Variants in TLN2 observed in about 807,000 individuals in gnomAD.
The protein encoded by TLN2 is talin 2, also known as talin-2.
TLN2 carries 118 observed loss-of-function variants against 294.7 expected under a neutral mutation model. That is an observed-to-expected ratio of 0.40 (90% CI 0.34 to 0.47). The LOEUF (loss-of-function observed/expected upper bound fraction) is 0.47, where lower values mean the gene tolerates loss of function less well. Among genes scored for constraint, TLN2 ranks in the 20% least tolerant of loss-of-function variants. The pLI is 0.84. For synonymous variants in TLN2, 1,431 were observed against 1,304.5 expected (o/e 1.10, Z -2.09); for missense variants, 3,083 against 3,282.2 (o/e 0.94, Z 1.48).
rs966273478 is a variant in TLN2 at position 62,748,588 on chromosome 15, T to C, written c.4119+144T>C. The C allele has an allele frequency of 8.8e-6, 6 of 684,196 alleles. No homozygotes were observed. In the Admixed American group the frequency reaches 9.4e-5, roughly 11 times the overall value. 42.4% of individuals were successfully genotyped at this position (684,196 alleles called of 1,614,324 possible). ...CTCTGTCCTTGCCTTTTATCTTTCC[T>C]TGGAGGCTGTTAAGGCCAAAGTTCC... On this transcript the variant is annotated intron_variant, in intron 33 of 58. Transcript: ENST00000636159.
chr15:62,576,723 G>A (rs1468540481), intron 1 of TLN2, among the ~76,000 whole-genome samples: 1 of 126,216 alleles, frequency 7.9e-6, no homozygotes, highest in Non-Finnish European at 1.5e-5. Flanking sequence ...AGAAGACTTT[G>A]CTGTTTGAAT....
intron 27 of TLN2, among the ~76,000 whole-genome samples, chr15:62,725,976 A>T (rs1389933046): frequency 6.6e-6 from 1 of 152,198 alleles, no homozygotes; most frequent in Non-Finnish European, 1.5e-5. Flanking sequence ...AAGTTCCCCT[A>T]ATAGTAAAAA....
intron 11 of TLN2, among the ~76,000 whole-genome samples, chr15:62,682,174 G>C (rs1036284810): frequency 6.6e-6 from 1 of 152,230 alleles, no homozygotes; most frequent in Non-Finnish European, 1.5e-5. Flanking sequence ...CTTTGCCCCT[G>C]TAGTATGAAA....
At position 62,659,099 on chromosome 15, in the gene TLN2, T is replaced by A. The variant is rs375687117; in HGVS notation, c.788+1201T>A. ...ATCCGAATGTAGTCATTCACCGGGT[T>A]CCTATATTGATGATGATGCCACCAT... On this transcript the variant is annotated intron_variant, in intron 9 of 58. Coordinates refer to ENST00000636159, the MANE Select transcript of TLN2 (RefSeq NM_015059.3). Among the ~76,000 whole-genome samples the A allele has an allele frequency of 3.9e-5, 6 of 152,312 alleles. No individual in the cohort carries two copies. In the East Asian group the frequency reaches 7.7e-4, roughly 20 times the overall value.
At chr15:62,756,931 CT>C (rs1395655171) in intron 37 of TLN2, among the ~76,000 whole-genome samples, 1 of 152,118 alleles carries the variant, frequency 6.6e-6, no homozygotes, top group Non-Finnish European at 1.5e-5. Context: ...AAACCCCTCC[CT>C]ATTTGAAGGC....
intron 38 of TLN2, 118 bp downstream of exon 38, chr15:62,761,939 C>T (rs1391011697): frequency 8.1e-6 from 11 of 1,358,412 alleles, no homozygotes; most frequent in Middle Eastern, 1.8e-4. Context: ...GCTACTGTTA[C>T]TCTTGTCAAT....
In TLN2 at chr15:62,692,911, T is replaced by A. The variant is rs1405095340; in HGVS notation, c.1185T>A (p.Ile395=). ...TTEGEQISQL[I]AGYIDIILKK... is the part of the protein sequence containing the mutation. ...AGGGAGAGCAGATATCCCAGCTGAT[T>A]GCAGGCTACATTGACATCATCCTGA... Residue 395 remains isoleucine, a synonymous_variant, in exon 13 of 59, where the codon ATT becomes ATA. Transcript: ENST00000636159. 1.2e-6 allele frequency: 2 copies of A among 1,612,794 alleles called. No individual in the cohort carries two copies. The highest frequency in any genetic ancestry group is 1.7e-6 in the Non-Finnish European group (2 of 1,179,512).
At chr15:62,538,813 T>C (rs1488183522) in intron 1 of TLN2, among the ~76,000 whole-genome samples, 1 of 152,222 alleles carries the variant, frequency 6.6e-6, no homozygotes, top group East Asian at 1.9e-4. Flanking sequence ...TGAAAAATTG[T>C]TACAATTTCT....
intron 1 of TLN2, among the ~76,000 whole-genome samples, chr15:62,453,336 A>G (rs1179916354): frequency 1.3e-5 from 2 of 150,828 alleles, no homozygotes; most frequent in African/African-American, 4.9e-5. Flanking sequence ...GACTCCTGTC[A>G]TTTGTTCTTC....
chr15:62,753,653 C>T (rs764482872), intron 35 of TLN2, 120 bp from the exon 36 acceptor site: 26 of 1,239,050 alleles, frequency 2.1e-5, no homozygotes, highest in African/African-American at 7.7e-5. Flanking sequence ...ATGACCTTGA[C>T]CAGTTTGAAC....
At chr15:62,583,994 A>G (rs1426386058) in intron 1 of TLN2, among the ~76,000 whole-genome samples, 1 of 152,220 alleles carries the variant, frequency 6.6e-6, no homozygotes, top group African/African-American at 2.4e-5. Context: ...TATATTTTAC[A>G]CTACTTTGCA....
chr15:62,487,231 G>A lies in TLN2; in HGVS notation c.-238+96546G>A, dbSNP rs77567215. ...GTCGTTGACTTACTGGGTTGATTCC[G>A]TGTGGTCAACTTGCGTGATGTGTAC... On this transcript the variant is annotated intron_variant, in intron 1 of 58. Coordinates refer to ENST00000636159, the MANE Select transcript of TLN2 (RefSeq NM_015059.3). Among the ~76,000 whole-genome samples the A allele has an allele frequency of 2.3e-3, 344 of 152,226 alleles. 3 individuals are homozygous for A. Among genetic ancestry groups the A allele is most frequent in the African/African-American group, 7.2e-3 (300 of 41,530 alleles).
At chr15:62,677,134 T>A (rs1433609688) in intron 11 of TLN2, among the ~76,000 whole-genome samples, 1 of 152,212 alleles carries the variant, frequency 6.6e-6, no homozygotes, top group Non-Finnish European at 1.5e-5. Flanking sequence ...CCTGAACACA[T>A]GGGGAGATCT....
chr15:62,558,141 G>A (rs551881852), intron 1 of TLN2, among the ~76,000 whole-genome samples: 12 of 152,172 alleles, frequency 7.9e-5, no homozygotes, highest in South Asian at 2.1e-4. Flanking sequence ...AATTTAAATC[G>A]TGTTTGTATG....
chr15:62,508,658 G>A (rs1259906889), intron 1 of TLN2, among the ~76,000 whole-genome samples: 3 of 152,204 alleles, frequency 2.0e-5, no homozygotes, highest in Non-Finnish European at 4.4e-5. Flanking sequence ...TAATACCTTG[G>A]AATGAATGAA....
chr15:62,725,965 C>G (rs2060417337), intron 27 of TLN2, among the ~76,000 whole-genome samples: 1 of 152,110 alleles, frequency 6.6e-6, no homozygotes, highest in Non-Finnish European at 1.5e-5. Flanking sequence ...TGTGTTAAAT[C>G]AAGTTCCCCT....
Position 62,689,596 on chromosome 15 carries a change from C to T in TLN2, c.1113+2800C>T, listed in dbSNP as rs564254522. Among the ~76,000 whole-genome samples, 89 of 151,936 alleles carry T rather than the reference C, an allele frequency of 5.9e-4. 1 individual carries two copies. The East Asian group carries it at 7.0e-3, about 12-fold the overall frequency. ...CAACAAATTGACTTTGTGTTTTTTTCCTCTGAGAATGTTATTATTTCCCCT... is the reference window on the plus strand; with the variant it reads ...CAACAAATTGACTTTGTGTTTTTTTTCTCTGAGAATGTTATTATTTCCCCT... On this transcript the variant is annotated intron_variant, in intron 12 of 58. Coordinates refer to ENST00000636159, the MANE Select transcript of TLN2 (RefSeq NM_015059.3).
intron 8 of TLN2, among the ~76,000 whole-genome samples, chr15:62,657,331 T>C (rs538991312): frequency 6.6e-5 from 10 of 152,188 alleles, no homozygotes; most frequent in Admixed American, 4.6e-4. Context: ...CTCTATTACA[T>C]TGGTTTTTAT....
chr15:62,797,043 C>G (rs532581373), intron 47 of TLN2, among the ~76,000 whole-genome samples, 176 bp from the exon 48 acceptor site: 4 of 152,200 alleles, frequency 2.6e-5, no homozygotes, highest in Non-Finnish European at 4.4e-5. Flanking sequence ...CTTCTCCCCC[C>G]AGTTTTGCAT....
Sources: allele counts gnomAD v4.1 joint callset (sites outside exome capture counted in the v4.1 genomes callset), GRCh38; gene constraint gnomAD v4.1.1; transcripts MANE v1.5; gene names NCBI Gene and HGNC (gene_info 2026-07-23, HGNC 2026-07-21).